The following TAFA1 variants were observed in gnomAD, a reference collection of about 807,000 sequenced individuals.
The protein encoded by TAFA1 is TAFA chemokine like family member 1.
A neutral mutation model predicts 18.5 loss-of-function variants in TAFA1; 4 were observed. The ratio of observed to expected loss-of-function variants is 0.22; its 90% CI spans 0.11 to 0.49. The LOEUF (loss-of-function observed/expected upper bound fraction) is 0.49, where lower values mean the gene tolerates loss of function less well. Ranked by LOEUF, TAFA1 falls within the 20% of genes least tolerant of loss-of-function variation. The probability of loss-of-function intolerance (pLI) is 0.98; values close to 1 mark genes in which losing one functional copy is unlikely to be tolerated. For synonymous variants in TAFA1, 56 were observed against 55.2 expected, an observed-to-expected ratio of 1.01 and a Z score of -0.06; for missense variants, 147 against 169.0, an observed-to-expected ratio of 0.87 and a Z score of 0.72.
At chr3:68,203,656 C>G (rs1355717686) in intron 2 of TAFA1, among the ~76,000 whole-genome samples, 1 of 151,580 alleles carries the variant, frequency 6.6e-6, no homozygotes, top group African/African-American at 2.4e-5. Context: ...CTTGGGTGAT[C>G]AGAGTGAGCT....
chr3:68,245,121 T>G (rs770038251), intron 2 of TAFA1, among the ~76,000 whole-genome samples: 1 of 152,226 alleles, frequency 6.6e-6, no homozygotes, highest in Non-Finnish European at 1.5e-5. Context: ...AGCTGGAGGT[T>G]TGGAGACTGG....
chr3:68,388,294 T>C (rs934643387), intron 2 of TAFA1, among the ~76,000 whole-genome samples: 1 of 152,132 alleles, frequency 6.6e-6, no homozygotes. Flanking sequence ...AGAAAAAAGA[T>C]TGCATTCATT....
At position 68,305,423 on chromosome 3, in the gene TAFA1, ATATATATATATAT is replaced by A. The variant is rs1559608937; in HGVS notation, c.119-111856_119-111844del. ...TGACTATATGACTATATATATATAT[ATATATATATATAT>A]ATATATATATATATATATATAGGTA... On this transcript the variant is annotated intron_variant, in intron 2 of 4. Coordinates refer to ENST00000478136, the MANE Select transcript of TAFA1 (RefSeq NM_213609.4). 3.5e-4 allele frequency among the ~76,000 whole-genome samples: 33 copies of A among 94,294 alleles called. 1 individual carries two copies. In the South Asian group the frequency reaches 4.0e-3, roughly 11 times the overall value. The allele number at this position is 94,294 out of a possible 152,430, so 61.9% of individuals were successfully genotyped here. A position where few individuals can be genotyped will look rare whatever the true frequency, so the allele number is the denominator to read the frequency against.
chr3:68,376,232 A>G (rs262198), intron 2 of TAFA1, among the ~76,000 whole-genome samples: 95,392 of 151,776 alleles, frequency 0.63, 30,754 homozygotes, highest in East Asian at 1. Context: ...AGTTATTTGG[A>G]ATTCTATCCT....
chr3:68,415,652 C>T (rs905989070), intron 2 of TAFA1, among the ~76,000 whole-genome samples: 1 of 151,722 alleles, frequency 6.6e-6, no homozygotes, highest in African/African-American at 2.4e-5. Context: ...TATCTAGTCA[C>T]TCTGGTATTC....
chr3:68,369,381 A>G (rs935181843), intron 2 of TAFA1, among the ~76,000 whole-genome samples: 2 of 152,230 alleles, frequency 1.3e-5, no homozygotes, highest in African/African-American at 4.8e-5. Flanking sequence ...TCAATACATT[A>G]TTGCTGAAGT....
At chr3:68,118,192 A>G (rs561126460) in intron 2 of TAFA1, among the ~76,000 whole-genome samples, 3 of 152,304 alleles carry the variant, frequency 2.0e-5, no homozygotes, top group East Asian at 1.9e-4. Flanking sequence ...TTTTCCTGCA[A>G]CTAGAGAGTC....
intron 2 of TAFA1, among the ~76,000 whole-genome samples, chr3:68,013,951 A>G (rs724760): frequency 0.018 from 2,666 of 152,276 alleles, 95 homozygotes; most frequent in African/African-American, 0.061. Context: ...TTGTTCTCTG[A>G]GTCTGCAAGG....
At chr3:68,001,622 C>T (rs1437772461), upstream of TAFA1, among the ~76,000 whole-genome samples, 5 of 147,242 alleles carry the variant, frequency 3.4e-5, 1 homozygote, top group Admixed American at 2.0e-4. Flanking sequence ...TTGGTGTTTA[C>T]CTTGTGAATG....
At chr3:68,538,499 G>C (rs571287056) in intron 3 of TAFA1, among the ~76,000 whole-genome samples, 1 of 152,258 alleles carries the variant, frequency 6.6e-6, no homozygotes, top group South Asian at 2.1e-4. Flanking sequence ...TTCTCTTACT[G>C]TCATAATTTT....
intron 2 of TAFA1, among the ~76,000 whole-genome samples, chr3:68,289,763 C>T (rs1241294623): frequency 6.6e-6 from 1 of 152,144 alleles, no homozygotes; most frequent in African/African-American, 2.4e-5. Flanking sequence ...TTAAGGGTGT[C>T]TCCTTGCTTC....
At chr3:68,222,648 G>C (rs2062004302) in intron 2 of TAFA1, among the ~76,000 whole-genome samples, 1 of 151,912 alleles carries the variant, frequency 6.6e-6, no homozygotes. Flanking sequence ...GTCTGTTTTT[G>C]GGGAGGGTGG....
At chr3:68,224,624 G>A (rs1350132968) in intron 2 of TAFA1, among the ~76,000 whole-genome samples, 2 of 152,092 alleles carry the variant, frequency 1.3e-5, no homozygotes, top group African/African-American at 2.4e-5. Flanking sequence ...TGGACAGAGA[G>A]GCTAGTGATT....
At chr3:68,405,666 C>CTCCA (rs2070587452) in intron 2 of TAFA1, among the ~76,000 whole-genome samples, 1 of 125,778 alleles carries the variant, frequency 8.0e-6, no homozygotes, top group Non-Finnish European at 1.6e-5. Context: ...TGCTACTGCA[C>CTCCA]TCCAACCTAG....
At chr3:68,449,739 C>CA (rs149783914) in intron 3 of TAFA1, among the ~76,000 whole-genome samples, 1,570 of 152,272 alleles carry the variant, frequency 0.01, 28 homozygotes, top group African/African-American at 0.035. Flanking sequence ...GCTGAGCCCA[C>CA]ATGAGTGTGG....
chr3:68,054,633 T>A (rs1158133459), intron 2 of TAFA1, among the ~76,000 whole-genome samples: 2 of 152,212 alleles, frequency 1.3e-5, no homozygotes, highest in Non-Finnish European at 2.9e-5. Flanking sequence ...CATTACATAT[T>A]GTCCATGGCT....
chr3:68,155,046 G>A (rs1595494), intron 2 of TAFA1, among the ~76,000 whole-genome samples: 149,329 of 152,334 alleles, frequency 0.98, 73,269 homozygotes, highest in East Asian at 1. Context: ...AACCAGTTAC[G>A]TCAGGCCCAT....
At chr3:68,007,814 C>A (rs1354581855) in intron 2 of TAFA1, among the ~76,000 whole-genome samples, 1 of 152,176 alleles carries the variant, frequency 6.6e-6, no homozygotes, top group Non-Finnish European at 1.5e-5. Context: ...TTCCCTGGCT[C>A]CTCAGTCGGC....
At chr3:68,419,888 T>C (rs2070921806) in intron 3 of TAFA1, among the ~76,000 whole-genome samples, 1 of 152,170 alleles carries the variant, frequency 6.6e-6, no homozygotes, top group Non-Finnish European at 1.5e-5. Context: ...ATTCGTAAAT[T>C]CTTCAGGCAG....
Sources: gnomAD v4.1 joint callset for allele counts (sites outside exome capture counted in the v4.1 genomes callset) on GRCh38, gnomAD v4.1.1 for gene constraint, MANE v1.5 for transcripts, NCBI Gene and HGNC (gene_info 2026-07-23, HGNC 2026-07-21) for gene names.